Variants in IQCJ observed in about 807,000 individuals in gnomAD.
IQCJ encodes IQ motif containing J, also known as IQ domain-containing protein J.
In IQCJ, 9 loss-of-function variants were observed where a neutral mutation model predicts 11.0. The ratio of observed to expected loss-of-function variants is 0.82; its 90% confidence interval spans 0.49 to 1.43. The LOEUF is 1.43. IQCJ is among the 40% of genes most tolerant of loss of function. The probability of loss-of-function intolerance (pLI) is 0.00; values close to 1 mark genes in which losing one functional copy is unlikely to be tolerated. For synonymous variants in IQCJ, 55 were observed against 51.3 expected (o/e 1.07, Z -0.31); for missense variants, 146 against 133.2 (o/e 1.10, Z -0.47).
At chr3:159,179,348 C>A (rs550575456) in intron 1 of IQCJ, among the ~76,000 whole-genome samples, 1 of 152,252 alleles carries the variant, frequency 6.6e-6, no homozygotes, top group African/African-American at 2.4e-5. Flanking sequence ...CTCACCTCTG[C>A]ATCTACTTAC....
chr3:159,089,526 G>A (rs1717077279), intron 1 of IQCJ, among the ~76,000 whole-genome samples: 1 of 151,822 alleles, frequency 6.6e-6, no homozygotes, highest in African/African-American at 2.4e-5. Flanking sequence ...TTCCAGCTTG[G>A]TTCCATTCTC....
chr3:159,158,498 C>CTGCCAGCATTATGATTAGTACAA (rs1338866160), intron 1 of IQCJ, among the ~76,000 whole-genome samples: 1 of 152,172 alleles, frequency 6.6e-6, no homozygotes, highest in Non-Finnish European at 1.5e-5. Context: ...TTTTGGAGAG[C>CTGCCAGCATTATGATTAGTACAA]TGCCAGCATT....
intron 1 of IQCJ, among the ~76,000 whole-genome samples, chr3:159,092,634 C>T (rs1042464291): frequency 3.3e-5 from 5 of 150,368 alleles, no homozygotes; most frequent in African/African-American, 1.2e-4. Context: ...GGAGGCGGAG[C>T]TTGCAGGGAG....
chr3:159,085,535 C>G (rs1716689689), intron 1 of IQCJ, among the ~76,000 whole-genome samples: 4 of 149,134 alleles, frequency 2.7e-5, no homozygotes, highest in Non-Finnish European at 4.5e-5. Flanking sequence ...GTCCCACCAA[C>G]AGTGTAAAAG....
chr3:159,101,294 G>A (rs1420023954), intron 1 of IQCJ, among the ~76,000 whole-genome samples: 1 of 151,316 alleles, frequency 6.6e-6, no homozygotes, highest in Non-Finnish European at 1.5e-5. Flanking sequence ...GATGAACCCG[G>A]TACCTCAGAT....
At chr3:159,167,349 G>T (rs1056498413) in intron 1 of IQCJ, among the ~76,000 whole-genome samples, 1 of 152,072 alleles carries the variant, frequency 6.6e-6, no homozygotes, top group Non-Finnish European at 1.5e-5. Context: ...TCCAAGTCAC[G>T]GAGCTGAAAT....
chr3:159,223,780 AC>A (rs1402897889), intron 1 of IQCJ, among the ~76,000 whole-genome samples: 2 of 152,162 alleles, frequency 1.3e-5, no homozygotes, highest in East Asian at 3.9e-4. Flanking sequence ...ACATGATGCC[AC>A]AAGTGGAAAA....
intron 1 of IQCJ, among the ~76,000 whole-genome samples, chr3:159,079,986 A>G (rs1022226856): frequency 2.0e-5 from 3 of 152,062 alleles, no homozygotes; most frequent in African/African-American, 7.2e-5. Flanking sequence ...TTATTAGTAC[A>G]AGCATATGAT....
intron 1 of IQCJ, among the ~76,000 whole-genome samples, chr3:159,116,253 AAGG>A (rs1341207660): frequency 1.3e-5 from 2 of 151,862 alleles, no homozygotes; most frequent in Non-Finnish European, 2.9e-5. Flanking sequence ...GAAGAAGGAG[AAGG>A]AGAAGAGGAA....
chr3:159,122,221 T>G lies in IQCJ; in HGVS notation c.9+52780T>G, dbSNP rs1719418389. On this transcript the variant is annotated intron_variant, in intron 1 of 3. Coordinates refer to ENST00000397832, the MANE Select transcript of IQCJ (RefSeq NM_001042706.3). ...CTCCATTCTCATGACCTAATTACATTTCAAAGGCCTCACATCCCAATACCA... is the reference window on the plus strand; with the variant it reads ...CTCCATTCTCATGACCTAATTACATGTCAAAGGCCTCACATCCCAATACCA... 2.0e-5 allele frequency among the ~76,000 whole-genome samples: 3 copies of G among 152,270 alleles called. No individual in the cohort carries two copies. In the South Asian group the frequency reaches 6.2e-4, roughly 32 times the overall value.
At chr3:159,198,888 T>G (rs1006557983) in intron 1 of IQCJ, among the ~76,000 whole-genome samples, 1 of 152,242 alleles carries the variant, frequency 6.6e-6, no homozygotes, top group African/African-American at 2.4e-5. Flanking sequence ...CTTTGCAGTT[T>G]GATCAGACAG....
intron 1 of IQCJ, among the ~76,000 whole-genome samples, chr3:159,150,537 C>T (rs775672167): frequency 1.2e-4 from 18 of 151,750 alleles, no homozygotes; most frequent in African/African-American, 2.2e-4. Context: ...GTGAGAGCCA[C>T]GGAGGGTGTG....
intron 1 of IQCJ, among the ~76,000 whole-genome samples, chr3:159,244,858 C>A (rs965515879): frequency 6.6e-6 from 1 of 152,106 alleles, no homozygotes; most frequent in African/African-American, 2.4e-5. Flanking sequence ...ACTGCGCCTT[C>A]CCCTTGGGAC....
At chr3:159,243,412 T>C (rs912376696) in intron 1 of IQCJ, among the ~76,000 whole-genome samples, 5 of 152,164 alleles carry the variant, frequency 3.3e-5, no homozygotes, top group African/African-American at 1.2e-4. Flanking sequence ...TGTGTATGTG[T>C]ACAATAGAAA....
At chr3:159,154,216 T>G (rs906438511) in intron 1 of IQCJ, among the ~76,000 whole-genome samples, 5 of 152,134 alleles carry the variant, frequency 3.3e-5, no homozygotes, top group African/African-American at 1.2e-4. Flanking sequence ...CTTAGATTGC[T>G]TCATAATTTT....
At chr3:159,210,663 T>C (rs1724902934) in intron 1 of IQCJ, among the ~76,000 whole-genome samples, 1 of 152,210 alleles carries the variant, frequency 6.6e-6, no homozygotes, top group African/African-American at 2.4e-5. Context: ...TGAATTTTTA[T>C]TTGTGATTGA....
intron 1 of IQCJ, among the ~76,000 whole-genome samples, chr3:159,238,099 G>A (rs1482068807): frequency 1.3e-5 from 2 of 152,062 alleles, no homozygotes; most frequent in African/African-American, 4.8e-5. Flanking sequence ...GGAAGGGTAG[G>A]TCTTGGAGGG....
chr3:159,133,837 TAGCAGC>T (rs1720134202), intron 1 of IQCJ, among the ~76,000 whole-genome samples: 1 of 152,014 alleles, frequency 6.6e-6, no homozygotes. Context: ...ACCACATACT[TAGCAGC>T]TTTAAACAAC....
intron 1 of IQCJ, among the ~76,000 whole-genome samples, chr3:159,165,174 T>A (rs1722095040): frequency 6.6e-6 from 1 of 152,228 alleles, no homozygotes; most frequent in Admixed American, 6.5e-5. Context: ...CTTAGTTACC[T>A]TAATTATGAT....
Sources: allele counts gnomAD v4.1 joint callset (sites outside exome capture counted in the v4.1 genomes callset), GRCh38; gene constraint gnomAD v4.1.1; transcripts MANE v1.5; gene names NCBI Gene and HGNC (gene_info 2026-07-23, HGNC 2026-07-21).